Variants in PRR16 observed in about 807,000 individuals in gnomAD.
PRR16 encodes proline rich 16, also known as protein Largen.
PRR16 carries 6 observed loss-of-function variants against 18.2 expected under a neutral mutation model. The ratio of observed to expected loss-of-function variants is 0.33; its 90% CI spans 0.18 to 0.65. PRR16 has a LOEUF of 0.65. Among genes scored for constraint, PRR16 ranks in the 30% least tolerant of loss-of-function variants. The pLI is 0.74. For missense variants in PRR16, 412 were observed against 376.6 expected (o/e 1.09, Z -0.78); for synonymous variants, 151 against 147.8 (o/e 1.02, Z -0.16).
At chr5:120,619,318 A>G (rs1006252727) in intron 1 of PRR16, among the ~76,000 whole-genome samples, 1 of 152,198 alleles carries the variant, frequency 6.6e-6, no homozygotes. Context: ...CAGTTGAATA[A>G]AAATGATGAA....
intron 1 of PRR16, among the ~76,000 whole-genome samples, chr5:120,542,208 G>A (rs1185642423): frequency 1.3e-5 from 2 of 152,058 alleles, no homozygotes; most frequent in Non-Finnish European, 2.9e-5. Flanking sequence ...TGATACTTAT[G>A]CTGGAGTAGC....
At chr5:120,482,241 T>C (rs1469309268) in intron 1 of PRR16, among the ~76,000 whole-genome samples, 1 of 152,224 alleles carries the variant, frequency 6.6e-6, no homozygotes, top group Non-Finnish European at 1.5e-5. Flanking sequence ...ACTTAGGTAG[T>C]GAGCATAGTA....
chr5:120,706,115 G>C, the PRR16 span, among the ~76,000 whole-genome samples: 1 of 152,112 alleles, frequency 6.6e-6, no homozygotes, highest in Non-Finnish European at 1.5e-5. Context: ...AAGAGAAAGA[G>C]ACCATTTTCA....
intron 1 of PRR16, among the ~76,000 whole-genome samples, chr5:120,546,394 C>G (rs376505140): frequency 6.6e-6 from 1 of 152,106 alleles, no homozygotes; most frequent in African/African-American, 2.4e-5. Context: ...CTCAAAGTCT[C>G]TCCCCAGTAC....
the PRR16 span, among the ~76,000 whole-genome samples, chr5:120,696,471 G>A: frequency 2.0e-4 from 30 of 152,260 alleles, no homozygotes; most frequent in African/African-American, 7.2e-4. Context: ...TGAAGAAATT[G>A]TATAGTGTAT....
chr5:120,678,145 G>T (rs889981257), intron 1 of PRR16, among the ~76,000 whole-genome samples: 2 of 152,006 alleles, frequency 1.3e-5, no homozygotes, highest in Non-Finnish European at 2.9e-5. Flanking sequence ...TCCTGACCTG[G>T]TGATCCGCCT....
At chr5:120,754,559 TTA>T in the PRR16 span, among the ~76,000 whole-genome samples, 1 of 59,392 alleles carries the variant, frequency 1.7e-5, no homozygotes, top group South Asian at 5.3e-4. Flanking sequence ...ATAATATATA[TTA>T]TATAATATAT....
Position 120,464,627 on chromosome 5 carries a change from G to C in PRR16, c.141G>C (p.Val47=). 1 of 1,568,762 alleles carries C rather than the reference G, an allele frequency of 6.4e-7. No homozygotes were observed. Among genetic ancestry groups the C allele is most frequent in the Non-Finnish European group, 8.6e-7 (1 of 1,164,888 alleles). The change falls in exon 1 of 2, where the codon GTG becomes GTC. Residue 47 remains valine, a synonymous_variant. Transcript: ENST00000407149. ...LELVLGDLKD[V]AKELKEVVDQ... ...TAGTCCTGGGCGACCTGAAGGACGT[G>C]GCCAAGGAACTTAAGGAGGTGAGAG...
At chr5:120,524,930 A>G (rs2112657878) in intron 1 of PRR16, among the ~76,000 whole-genome samples, 1 of 152,224 alleles carries the variant, frequency 6.6e-6, no homozygotes, top group African/African-American at 2.4e-5. Flanking sequence ...CTAATATTAG[A>G]AGAGTATCTT....
At chr5:120,578,274 T>C (rs1330689864) in intron 1 of PRR16, among the ~76,000 whole-genome samples, 1 of 152,180 alleles carries the variant, frequency 6.6e-6, no homozygotes, top group African/African-American at 2.4e-5. Flanking sequence ...ACTATAATTT[T>C]TTTCTTTATT....
At chr5:120,779,857 A>G in the PRR16 span, among the ~76,000 whole-genome samples, 2 of 152,112 alleles carry the variant, frequency 1.3e-5, no homozygotes, top group African/African-American at 2.4e-5. Context: ...CAGCTCTCCC[A>G]TCGACGTGTG....
At chr5:120,631,215 T>C (rs935031704) in intron 1 of PRR16, among the ~76,000 whole-genome samples, 1 of 152,102 alleles carries the variant, frequency 6.6e-6, no homozygotes, top group Non-Finnish European at 1.5e-5. Flanking sequence ...TGGATTATGA[T>C]TAAGATGGCA....
intron 1 of PRR16, among the ~76,000 whole-genome samples, chr5:120,516,044 A>G (rs1428801690): frequency 6.6e-6 from 1 of 152,204 alleles, no homozygotes; most frequent in African/African-American, 2.4e-5. Flanking sequence ...TCTTTTTAGT[A>G]CAACTGCTTC....
chr5:120,514,835 A>G (rs1469089240), intron 1 of PRR16, among the ~76,000 whole-genome samples: 1 of 152,140 alleles, frequency 6.6e-6, no homozygotes, highest in Non-Finnish European at 1.5e-5. Flanking sequence ...TCTCACCTGA[A>G]TTACCACTGA....
At chr5:120,769,253 A>G in the PRR16 span, among the ~76,000 whole-genome samples, 4 of 151,782 alleles carry the variant, frequency 2.6e-5, no homozygotes, top group African/African-American at 9.7e-5. Context: ...TAATTTGGTA[A>G]ATGTGGACAT....
intron 1 of PRR16, among the ~76,000 whole-genome samples, chr5:120,522,824 G>A (rs949187277): frequency 1.1e-4 from 16 of 152,038 alleles, no homozygotes; most frequent in East Asian, 1.9e-4. Context: ...CACCGTGTTA[G>A]ACAGGATGGT....
the PRR16 span, among the ~76,000 whole-genome samples, chr5:120,718,925 T>A: frequency 6.6e-6 from 1 of 152,024 alleles, no homozygotes; most frequent in African/African-American, 2.4e-5. Context: ...GGAAAGCTAC[T>A]GGGGCTCTCA....
chr5:120,697,541 C>T, the PRR16 span, among the ~76,000 whole-genome samples: 2 of 151,834 alleles, frequency 1.3e-5, no homozygotes. Context: ...TCAGCATTTA[C>T]ATTTTCATGC....
rs745911750 is a variant in PRR16 at position 120,471,767 on chromosome 5, C to A, written c.159+7122C>A. ...CTCTGAATTAAATTTCCCACAGGAACTGGGAACCCAAAGTCAGCAGAAATT... is the reference window on the plus strand; with the variant it reads ...CTCTGAATTAAATTTCCCACAGGAAATGGGAACCCAAAGTCAGCAGAAATT... On this transcript the variant is annotated intron_variant, in intron 1 of 1. Transcript: ENST00000407149. Among the ~76,000 whole-genome samples the A allele has an allele frequency of 7.7e-4, 117 of 152,174 alleles. 1 individual carries two copies. The highest frequency in any genetic ancestry group is 3.4e-3 in the Middle Eastern group (1 of 294).
Sources: allele counts gnomAD v4.1 joint callset (sites outside exome capture counted in the v4.1 genomes callset), GRCh38; gene constraint gnomAD v4.1.1; transcripts MANE v1.5; gene names NCBI Gene and HGNC (gene_info 2026-07-23, HGNC 2026-07-21).